The following CCDC47 variants were observed in gnomAD, a reference collection of about 807,000 sequenced individuals.
CCDC47 encodes the protein coiled-coil domain containing 47, also known as PAT complex subunit CCDC47.
CCDC47 carries 41 observed loss-of-function variants against 60.5 expected under a neutral mutation model. That is an observed-to-expected ratio of 0.68 (90% CI 0.53 to 0.88). The LOEUF (loss-of-function observed/expected upper bound fraction) is 0.88, where lower values mean the gene tolerates loss of function less well. Among genes scored for constraint, CCDC47 ranks in the 40% least tolerant of loss-of-function variants. The probability of loss-of-function intolerance (pLI) is 0.00; values close to 1 mark genes in which losing one functional copy is unlikely to be tolerated. For missense variants in CCDC47, 513 were observed against 580.9 expected (o/e 0.88, Z 1.20); for synonymous variants, 195 against 190.7 (o/e 1.02, Z -0.18).
chr17:63,761,517 T>TAAAAAAAAAAAA (rs11429720), intron 4 of CCDC47, 166 bp from the exon 5 acceptor site: 1 of 188,390 alleles, frequency 5.3e-6, no homozygotes, highest in Non-Finnish European at 9.5e-6. Flanking sequence ...CTGTCCCTAC[T>TAAAAAAAAAAAA]AAAAAAAAAA....
chr17:63,761,068 C>A, intron 5 of CCDC47, 89 bp from the exon 6 acceptor site: 2 of 1,375,518 alleles, frequency 1.5e-6, no homozygotes, highest in Non-Finnish European at 1.0e-6. Context: ...AATGCTTCAT[C>A]AAATATACTT....
chr17:63,745,458 G>A lies in CCDC47; in HGVS notation c.*1423C>T, dbSNP rs2039114424. 1 of 152,146 alleles carries A rather than the reference G, an allele frequency of 6.6e-6. No individual in the cohort carries two copies. The highest frequency in any genetic ancestry group is 1.5e-5 in the Non-Finnish European group (1 of 68,038). 9.4% of individuals were successfully genotyped at this position (152,146 alleles called of 1,614,324 possible). On this transcript the variant is annotated 3_prime_UTR_variant, in exon 13 of 13. Transcript: ENST00000225726. ...ACTACTATAATTATATAATATTAAA[G>A]TAATTAAGTTTTATGTTAGTTATTT...
chr17:63,752,875 T>C (rs2039178025), intron 9 of CCDC47, 76 bp from the exon 10 acceptor site: 1 of 1,554,920 alleles, frequency 6.4e-7, no homozygotes, highest in Non-Finnish European at 8.7e-7. Context: ...CCCAATACAC[T>C]TAGATGAACA....
intron 6 of CCDC47, among the ~76,000 whole-genome samples, chr17:63,757,287 G>A (rs940156431): frequency 1.3e-5 from 2 of 151,042 alleles, no homozygotes; most frequent in Admixed American, 6.6e-5. Context: ...CAGGAGGATC[G>A]ATTGAGCCCC....
At chr17:63,759,150 C>T (rs1394440321) in intron 6 of CCDC47, among the ~76,000 whole-genome samples, 1 of 151,802 alleles carries the variant, frequency 6.6e-6, no homozygotes, top group Non-Finnish European at 1.5e-5. Context: ...GTTAGAAAAA[C>T]TGAAATAAAA....
At position 63,766,010 on chromosome 17, in the gene CCDC47, G is replaced by A. The variant is rs781139637; in HGVS notation, c.166C>T (p.Arg56Trp). The stretch of plus-strand genomic sequence containing the variant: ...TCATCATCTTCAGTGATTATGACCC[G>A]TTGAGGAGATTCAGTAACAGAGTCT... ...MEDSVTESPQRVIITEDDEDE... is the reference protein window; with the variant it reads ...MEDSVTESPQWVIITEDDEDE... Residue 56 changes from arginine (R) to tryptophan (W), a missense_variant, in exon 2 of 13, where the codon CGG becomes TGG. By Grantham distance (101) the Arg-to-Trp change is moderately radical (BLOSUM62 -3). Transcript: ENST00000225726. 2.5e-5 allele frequency: 41 copies of A among 1,613,734 alleles called. No homozygotes were observed. The East Asian group carries it at 3.6e-4, about 14-fold the overall frequency.
intron 6 of CCDC47, among the ~76,000 whole-genome samples, chr17:63,760,044 C>G (rs2039245421): frequency 9.0e-6 from 1 of 111,104 alleles, no homozygotes; most frequent in Non-Finnish European, 1.7e-5. Flanking sequence ...AGCCTGGCAA[C>G]AGAGCAAGAC....
rs1284768961 is a variant in CCDC47, at chr17:63,773,563, G to A, written c.-171C>T. 6.6e-6 allele frequency: 1 copy of A among 152,302 alleles called. No individual in the cohort carries two copies. The highest frequency in any genetic ancestry group is 6.5e-5 in the Admixed American group (1 of 15,292). 9.4% of individuals were successfully genotyped at this position (152,302 alleles called of 1,614,324 possible). ...GCCAGAACCGTAGCTCAGTCACGCC[G>A]CGCCTCTCTTCACGTAGCCTCCGCC... On this transcript the variant is annotated 5_prime_UTR_variant, in exon 1 of 13. Coordinates refer to ENST00000225726, the MANE Select transcript of CCDC47 (RefSeq NM_020198.3).
chr17:63,754,485 T>C lies in CCDC47; in HGVS notation c.982A>G (p.Ile328Val), dbSNP rs144993346. 70 of 1,609,860 alleles carry C rather than the reference T, an allele frequency of 4.3e-5. No homozygotes were observed. The African/African-American group carries it at 8.7e-4, about 20-fold the overall frequency. The change falls in exon 9 of 13, where the codon ATT becomes GTT. Residue 328 changes from isoleucine to valine, a missense_variant. Transcript: ENST00000225726. Reference sequence around the variant, plus strand: ...TGGTCTGAAAAATGAACAGATTCAATCTTGTCAGCATAGTGTGTAAGAAAG... The same window carrying C: ...TGGTCTGAAAAATGAACAGATTCAACCTTGTCAGCATAGTGTGTAAGAAAG... ...VHFLTHYADK[I>V]ESVHFSDQFS... is the part of the protein sequence containing the mutation.
intron 1 of CCDC47, among the ~76,000 whole-genome samples, chr17:63,772,250 GTTTTTTT>G (rs34509265): frequency 1.1e-5 from 1 of 90,536 alleles, no homozygotes; most frequent in Non-Finnish European, 2.0e-5. Context: ...TGTACCAAGG[GTTTTTTT>G]TTTTTTTTTT....
chr17:63,756,493 T>C lies in CCDC47; in HGVS notation c.813A>G (p.Arg271=). 1.2e-6 allele frequency: 2 copies of C among 1,614,030 alleles called. No homozygotes were observed. Among genetic ancestry groups the C allele is most frequent in the Non-Finnish European group, 1.7e-6 (2 of 1,179,838 alleles). ...CCAAATCCTGCATCTCTTTCTGTAG[T>C]CGCACCAAGGCTTTCCGTGTGCCAA... ...FAVGTRKALV[R]LQKEMQDLSE... is the part of the protein sequence containing the mutation. Residue 271 remains arginine (R), a synonymous_variant, in exon 7 of 13, where the codon CGA becomes CGG. Coordinates refer to ENST00000225726, the MANE Select transcript of CCDC47 (RefSeq NM_020198.3).
At chr17:63,772,555 CT>C (rs1342298433) in intron 1 of CCDC47, among the ~76,000 whole-genome samples, 1 of 152,040 alleles carries the variant, frequency 6.6e-6, no homozygotes, top group East Asian at 1.9e-4. Context: ...GCCCAGCCTC[CT>C]TTTCAAATCC....
At chr17:63,756,396 C>T in intron 7 of CCDC47, 46 bp from the exon 8 acceptor site, 2 of 1,584,322 alleles carry the variant, frequency 1.3e-6, no homozygotes, top group Non-Finnish European at 8.7e-7. Context: ...TTTTATTATG[C>T]AATGAAGCTG....
In CCDC47 at chr17:63,751,991, C is replaced by T. The variant is rs758077510; in HGVS notation, c.1320G>A (p.Glu440=). The T allele has an allele frequency of 6.2e-7, 1 of 1,613,700 alleles. No homozygotes were observed. Among genetic ancestry groups the T allele is most frequent in the Non-Finnish European group, 8.5e-7 (1 of 1,180,018 alleles). ...CTTCCTCATTCATGATTCGCTCCTT[C>T]TCTGCTCTTTTTTTCTCCTCCCGCC... ...QSRREEKKRA[E]KERIMNEEDP... is the part of the protein sequence containing the mutation. Residue 440 remains glutamate, a synonymous_variant, in exon 12 of 13, where the codon GAG becomes GAA. Transcript: ENST00000225726.
In CCDC47 at chr17:63,752,757, C is replaced by G. The variant is rs775267311; in HGVS notation, c.1077G>C (p.Leu359=). The change falls in exon 10 of 13, where the codon CTG becomes CTC. Residue 359 remains leucine, a synonymous_variant. Coordinates refer to ENST00000225726, the MANE Select transcript of CCDC47 (RefSeq NM_020198.3). ...PLKLPDTKRT[L]LFTFNVPGSG... ...AATACTTACCATTAAATGTAAACAACAGTGTCCTCTTAGTGTCAGGTAGCT... is the reference window on the plus strand; with the variant it reads ...AATACTTACCATTAAATGTAAACAAGAGTGTCCTCTTAGTGTCAGGTAGCT... 1 of 1,612,462 alleles carries G rather than the reference C, an allele frequency of 6.2e-7. No individual in the cohort carries two copies. Among genetic ancestry groups the G allele is most frequent in the Non-Finnish European group, 8.5e-7 (1 of 1,179,338 alleles).
At position 63,756,456 on chromosome 17, in the gene CCDC47, CA is replaced by C. The variant is rs2039207667; in HGVS notation, c.837+12del. 3 of 1,609,594 alleles carry C rather than the reference CA, an allele frequency of 1.9e-6. No individual in the cohort carries two copies. Among genetic ancestry groups the C allele is most frequent in the Admixed American group, 1.7e-5 (1 of 59,984 alleles). ...AGTTCTACGTATATTTGAGTTGGAG[CA>C]ACCTGACATACCAAATCCTGCATCT... is the stretch of plus-strand genomic sequence containing the variant. On this transcript the variant is annotated intron_variant, in intron 7 of 12. Transcript: ENST00000225726.
chr17:63,765,506 A>G (rs922742085), intron 2 of CCDC47: 1 of 159,086 alleles, frequency 6.3e-6, no homozygotes, highest in Non-Finnish European at 1.3e-5. Context: ...ACGCCCAGCT[A>G]ATTTTGTATT....
chr17:63,762,869 C>T (rs1020537164), intron 4 of CCDC47, among the ~76,000 whole-genome samples: 10 of 152,180 alleles, frequency 6.6e-5, no homozygotes, highest in African/African-American at 2.4e-4. Flanking sequence ...TAATCAGAAG[C>T]TGTTTAGCAA....
At position 63,766,030 on chromosome 17, in the gene CCDC47, G is replaced by A; in HGVS notation, c.146C>T (p.Ser49Phe). The change falls in exon 2 of 13, where the codon TCT (serine) becomes TTT (phenylalanine). Residue 49 changes from serine to phenylalanine, a missense_variant. Transcript: ENST00000225726. ...FAEFEDVMED[S>F]VTESPQRVII... ...GACCCGTTGAGGAGATTCAGTAACA[G>A]AGTCTTCCATGACATCCTCAAATTC... 1 of 1,613,992 alleles carries A rather than the reference G, an allele frequency of 6.2e-7. No individual in the cohort carries two copies. Among genetic ancestry groups the A allele is most frequent in the Non-Finnish European group, 8.5e-7 (1 of 1,179,994 alleles).
Sources: gnomAD v4.1 joint callset for allele counts (sites outside exome capture counted in the v4.1 genomes callset) on GRCh38, gnomAD v4.1.1 for gene constraint, MANE v1.5 for transcripts, NCBI Gene and HGNC (gene_info 2026-07-23, HGNC 2026-07-21) for gene names.